The following STAP1 variants were observed in gnomAD, a reference collection of about 807,000 sequenced individuals.
STAP1 encodes the protein signal-transducing adaptor protein 1.
A neutral mutation model predicts 37.8 loss-of-function variants in STAP1; 30 were observed. The ratio of observed to expected loss-of-function variants is 0.79; its 90% CI spans 0.59 to 1.08. STAP1 has a LOEUF of 1.08. Ranked by LOEUF, STAP1 falls within the 50% of genes least tolerant of loss-of-function variation. STAP1 has a pLI of 0.00. For synonymous variants in STAP1, 130 were observed against 116.0 expected (o/e 1.12, Z -0.78); for missense variants, 357 against 349.4 (o/e 1.02, Z -0.17).
At chr4:67,580,494 T>C (rs1727827932) in intron 4 of STAP1, among the ~76,000 whole-genome samples, 1 of 152,240 alleles carries the variant, frequency 6.6e-6, no homozygotes, top group Admixed American at 6.5e-5. Flanking sequence ...CATACTCTAA[T>C]GGACTTTCTT....
chr4:67,562,220 C>G (rs1264581819), intron 1 of STAP1, among the ~76,000 whole-genome samples: 1 of 148,738 alleles, frequency 6.7e-6, no homozygotes, highest in East Asian at 2.0e-4. Context: ...GGGCCGGGCC[C>G]GGTCCCAGCT....
Position 67,584,116 on chromosome 4 carries a change from A to AAAAAT in STAP1, c.659+414_659+415insAAAAT, listed in dbSNP as rs1553901804. 1.9e-3 allele frequency among the ~76,000 whole-genome samples: 251 copies of AAAAAT among 134,118 alleles called. 17 individuals carry two copies. Among genetic ancestry groups the AAAAAT allele is most frequent in the South Asian group, 7.3e-3 (32 of 4,394 alleles). The allele number at this position is 134,118 out of a possible 152,430, so 88.0% of individuals were successfully genotyped here. A position where few individuals can be genotyped will look rare whatever the true frequency, so the allele number is the denominator to read the frequency against. ...CGGTCTCGAAAAAAAAAAAAAAAAA[A>AAAAAT]GAACACAAGAATAGGGAGGGAATGT... On this transcript the variant is annotated intron_variant, in intron 6 of 8. Transcript: ENST00000265404.
intron 1 of STAP1, among the ~76,000 whole-genome samples, chr4:67,560,658 G>C (rs1005685776): frequency 1.9e-4 from 29 of 152,030 alleles, no homozygotes; most frequent in Admixed American, 1.2e-3. Flanking sequence ...GTGTCTGTGT[G>C]TGTGTGTGTG....
At chr4:67,591,548 G>T (rs1001573073) in intron 7 of STAP1, among the ~76,000 whole-genome samples, 1 of 152,160 alleles carries the variant, frequency 6.6e-6, no homozygotes, top group Non-Finnish European at 1.5e-5. Flanking sequence ...GTGGTGATGT[G>T]GCCTACATTC....
intron 8 of STAP1, among the ~76,000 whole-genome samples, chr4:67,599,014 C>T (rs1248591086): frequency 6.6e-6 from 1 of 152,138 alleles, no homozygotes; most frequent in Non-Finnish European, 1.5e-5. Context: ...CAATGTATTA[C>T]ATTGATTGAT....
chr4:67,583,825 G>C (rs1727921210), intron 6 of STAP1, 123 bp downstream of exon 6: 1 of 1,212,558 alleles, frequency 8.2e-7, no homozygotes, highest in African/African-American at 1.6e-5. Context: ...GTGGCCGGGT[G>C]CGGTGGCTCA....
chr4:67,576,686 G>C (rs1420193884), intron 3 of STAP1, among the ~76,000 whole-genome samples: 1 of 152,146 alleles, frequency 6.6e-6, no homozygotes, highest in Non-Finnish European at 1.5e-5. Context: ...GTAGAGACAT[G>C]GTTTCACCAT....
chr4:67,578,363 A>T (rs1727772649), intron 4 of STAP1, among the ~76,000 whole-genome samples: 1 of 152,242 alleles, frequency 6.6e-6, no homozygotes, highest in African/African-American at 2.4e-5. Context: ...AAGCCATTGC[A>T]GTCATCTGAA....
intron 2 of STAP1, 23 bp downstream of exon 2, chr4:67,571,178 T>A (rs761177792): frequency 2.7e-6 from 4 of 1,503,070 alleles, no homozygotes; most frequent in Non-Finnish European, 3.7e-6. Flanking sequence ...GTTGAGCTGA[T>A]TCCATTGTTT....
intron 8 of STAP1, among the ~76,000 whole-genome samples, chr4:67,594,466 G>C (rs1728181661): frequency 6.6e-6 from 1 of 151,456 alleles, no homozygotes; most frequent in Non-Finnish European, 1.5e-5. Flanking sequence ...CAGCTTGTTT[G>C]TAAATTGTGA....
intron 2 of STAP1, among the ~76,000 whole-genome samples, chr4:67,574,303 C>A (rs527965669): frequency 3.8e-4 from 58 of 152,028 alleles, no homozygotes; most frequent in Middle Eastern, 3.4e-3. Context: ...CATAATTTGA[C>A]AAATGGAGAT....
chr4:67,564,080 G>A (rs1445270909), intron 1 of STAP1, among the ~76,000 whole-genome samples: 1 of 151,994 alleles, frequency 6.6e-6, no homozygotes, highest in Non-Finnish European at 1.5e-5. Context: ...AAATGACTCA[G>A]ATTCTATGTG....
At chr4:67,586,660 AATTGT>A (rs989185837) in intron 6 of STAP1, among the ~76,000 whole-genome samples, 3 of 152,188 alleles carry the variant, frequency 2.0e-5, no homozygotes, top group Admixed American at 6.5e-5. Context: ...TTTTACTCAC[AATTGT>A]ATTGTATTTA....
At chr4:67,593,973 AC>A (rs1424811718) in intron 8 of STAP1, among the ~76,000 whole-genome samples, 1 of 152,180 alleles carries the variant, frequency 6.6e-6, no homozygotes, top group Non-Finnish European at 1.5e-5. Context: ...AAACCATCAA[AC>A]CGAGCATGAG....
intron 1 of STAP1, among the ~76,000 whole-genome samples, 186 bp from the exon 2 acceptor site, chr4:67,570,898 A>T (rs907631202): frequency 6.6e-6 from 1 of 152,146 alleles, no homozygotes; most frequent in Non-Finnish European, 1.5e-5. Flanking sequence ...TATTGAGACC[A>T]GAGAACCTAT....
At chr4:67,591,083 A>C in intron 7 of STAP1, 130 bp downstream of exon 7, 2 of 474,816 alleles carry the variant, frequency 4.2e-6, no homozygotes, top group South Asian at 5.0e-5. Flanking sequence ...AGTGAGATTC[A>C]GGAACAGGTG....
At chr4:67,560,643 G>GGGGTGTGTGT (rs370510074) in intron 1 of STAP1, among the ~76,000 whole-genome samples, 5,254 of 149,542 alleles carry the variant, frequency 0.035, 109 homozygotes, top group Non-Finnish European at 0.045. Context: ...TGTGTGTGTG[G>GGGGTGTGTGT]GTGTGTGTCT....
rs188070747 is a variant in STAP1, at chr4:67,579,145, C to T, written c.363+1886C>T. On this transcript the variant is annotated intron_variant, in intron 4 of 8. Transcript: ENST00000265404. ...CTGGGATTACAGGTGTGAGCCACCA[C>T]GCCCAGCCCATGTGAATTTTTAAGA... 6.9e-4 allele frequency among the ~76,000 whole-genome samples: 105 copies of T among 152,238 alleles called. 1 individual carries two copies. In the East Asian group the frequency reaches 8.5e-3, roughly 12 times the overall value.
intron 4 of STAP1, among the ~76,000 whole-genome samples, chr4:67,580,226 TAGTC>T (rs1454780981): frequency 6.6e-6 from 1 of 152,206 alleles, no homozygotes; most frequent in Non-Finnish European, 1.5e-5. Flanking sequence ...TGAGCTATAA[TAGTC>T]AATTAATAAA....
Sources: allele counts gnomAD v4.1 joint callset (sites outside exome capture counted in the v4.1 genomes callset), GRCh38; gene constraint gnomAD v4.1.1; transcripts MANE v1.5; gene names NCBI Gene and HGNC (gene_info 2026-07-23, HGNC 2026-07-21).